TRAPPC8: variants seen among roughly 807,000 people sequenced by gnomAD.
TRAPPC8 encodes trafficking protein particle complex subunit 8.
A neutral mutation model predicts 174.3 loss-of-function variants in TRAPPC8; 54 were observed. The ratio of observed to expected loss-of-function variants is 0.31; its 90% CI spans 0.25 to 0.39. The LOEUF is 0.39. Ranked by LOEUF, TRAPPC8 falls within the 10% of genes least tolerant of loss-of-function variation. The pLI is 1.00. For synonymous variants in TRAPPC8, 630 were observed against 579.9 expected (o/e 1.09, Z -1.24); for missense variants, 1,531 against 1,699.1 (o/e 0.90, Z 1.74).
At chr18:31,931,306 T>A in intron 2 of TRAPPC8, 23 bp downstream of exon 2, 1 of 1,474,334 alleles carries the variant, frequency 6.8e-7, no homozygotes, top group Non-Finnish European at 9.0e-7. Context: ...ACTCAAAAAA[T>A]AACAATAAAC....
intron 13 of TRAPPC8, 89 bp downstream of exon 13, chr18:31,874,390 TA>T (rs751675710): frequency 3.8e-6 from 5 of 1,330,934 alleles, no homozygotes; most frequent in Non-Finnish European, 5.2e-6. Flanking sequence ...TATATTCTAA[TA>T]AAACTATCGT....
intron 20 of TRAPPC8, among the ~76,000 whole-genome samples, chr18:31,856,743 G>A (rs1163924009): frequency 6.0e-5 from 9 of 150,566 alleles, no homozygotes; most frequent in African/African-American, 2.0e-4. Flanking sequence ...ATATACAGCC[G>A]CTCCCTAGAA....
At chr18:31,846,538 T>C (rs2033414226) in intron 26 of TRAPPC8, among the ~76,000 whole-genome samples, 178 bp downstream of exon 26, 1 of 151,998 alleles carries the variant, frequency 6.6e-6, no homozygotes, top group African/African-American at 2.4e-5. Context: ...ATTGTGCCAT[T>C]GCAAACCAGC....
chr18:31,935,434 C>G lies in TRAPPC8; in HGVS notation c.158-3911G>C, dbSNP rs577791969. Among the ~76,000 whole-genome samples the G allele has an allele frequency of 2.7e-5, 4 of 148,684 alleles. No homozygotes were observed. The East Asian group carries it at 7.9e-4, about 29-fold the overall frequency. On this transcript the variant is annotated intron_variant, in intron 1 of 28. Transcript: ENST00000283351. ...GAGCCGCTGCACCCAGTGGCTCAAG[C>G]CAGCTACTCGGCAGGCTGAGGCAGA...
intron 4 of TRAPPC8, among the ~76,000 whole-genome samples, chr18:31,916,056 CA>C (rs34732342): frequency 0.35 from 30,655 of 88,036 alleles, 2,758 homozygotes; most frequent in Middle Eastern, 0.44. Context: ...GACCTCGTCT[CA>C]AAAAAAAAAA....
At chr18:31,865,471 T>C (rs2034541458) in intron 18 of TRAPPC8, among the ~76,000 whole-genome samples, 1 of 152,036 alleles carries the variant, frequency 6.6e-6, no homozygotes. Context: ...AATGTATTGA[T>C]TCCCACACTT....
intron 19 of TRAPPC8, 122 bp downstream of exon 19, chr18:31,864,505 A>T: frequency 2.2e-6 from 2 of 900,648 alleles, no homozygotes; most frequent in Non-Finnish European, 3.2e-6. Context: ...ACACTAGCTT[A>T]ATAATAATTT....
chr18:31,883,716 A>T (rs1331101988), intron 12 of TRAPPC8: 1 of 152,234 alleles, frequency 6.6e-6, no homozygotes, highest in African/African-American at 2.4e-5. Flanking sequence ...AATAACAGGT[A>T]TCTCAAATAG....
intron 11 of TRAPPC8, among the ~76,000 whole-genome samples, chr18:31,895,507 A>C (rs959883656): frequency 4.6e-5 from 7 of 152,234 alleles, no homozygotes; most frequent in African/African-American, 1.4e-4. Context: ...TTTGAGAAAG[A>C]AAAGTGGAAA....
Position 31,855,752 on chromosome 18 carries a change from G to A in TRAPPC8, c.3244C>T (p.Arg1082Trp), listed in dbSNP as rs747007333. Residue 1082 changes from arginine to tryptophan, a missense_variant, in exon 21 of 29, where the codon CGG (arginine) becomes TGG (tryptophan). Arg to Trp is a moderately radical substitution (Grantham distance 101, BLOSUM62 -3). Transcript: ENST00000283351. ...IICTSRSLNV[R>W]ATVCRSNSLE... ...GAATTACTTCTGCAGACAGTGGCCC[G>A]TACATTTAAAGACCGACTGGTACAA... 3.1e-6 allele frequency: 5 copies of A among 1,608,394 alleles called. No homozygotes were observed. Among genetic ancestry groups the A allele is most frequent in the Non-Finnish European group, 4.2e-6 (5 of 1,178,954 alleles).
chr18:31,940,011 G>A (rs554138625), intron 1 of TRAPPC8, among the ~76,000 whole-genome samples: 6 of 152,314 alleles, frequency 3.9e-5, no homozygotes, highest in African/African-American at 1.2e-4. Flanking sequence ...TGGCTACTGA[G>A]TACTTGAAAT....
At chr18:31,835,357 A>C (rs1291650485) in intron 27 of TRAPPC8, among the ~76,000 whole-genome samples, 2 of 152,184 alleles carry the variant, frequency 1.3e-5, no homozygotes, top group Admixed American at 1.3e-4. Flanking sequence ...GTGTCAGGGA[A>C]GTTTGTTTTC....
chr18:31,907,651 C>G, intron 8 of TRAPPC8, 41 bp from the exon 9 acceptor site: 1 of 1,479,752 alleles, frequency 6.8e-7, no homozygotes, highest in South Asian at 1.4e-5. Context: ...TTATTACCCC[C>G]CAAACCATTA....
At chr18:31,868,476 TA>T (rs1481469347) in intron 16 of TRAPPC8, among the ~76,000 whole-genome samples, 1 of 152,178 alleles carries the variant, frequency 6.6e-6, no homozygotes, top group Non-Finnish European at 1.5e-5. Flanking sequence ...AAAAAGCTAA[TA>T]AATCTTTTTA....
chr18:31,836,590 AG>A (rs1348853977), intron 27 of TRAPPC8, among the ~76,000 whole-genome samples: 1 of 152,168 alleles, frequency 6.6e-6, no homozygotes, highest in East Asian at 1.9e-4. Flanking sequence ...AATTGTTCAT[AG>A]AAGTGTGTGA....
intron 27 of TRAPPC8, among the ~76,000 whole-genome samples, chr18:31,833,123 AAGGGCAACAAAGAC>A (rs1246273025): frequency 1.3e-5 from 2 of 152,214 alleles, no homozygotes. Flanking sequence ...ATGTGGCAAG[AAGGGCAACAAAGAC>A]TACTGGGTAG....
intron 13 of TRAPPC8, 53 bp downstream of exon 13, chr18:31,874,427 T>C: frequency 1.3e-6 from 2 of 1,492,964 alleles, no homozygotes; most frequent in Non-Finnish European, 1.9e-6. Context: ...ATAAATACTT[T>C]CACACTAAAA....
At chr18:31,867,273 T>C (rs2034631853) in intron 17 of TRAPPC8, 129 bp downstream of exon 17, 3 of 760,740 alleles carry the variant, frequency 3.9e-6, no homozygotes, top group Non-Finnish European at 6.5e-6. Context: ...AATTCCTATG[T>C]CCTAATCTTC....
intron 16 of TRAPPC8, 124 bp from the exon 17 acceptor site, chr18:31,867,600 C>CGA: frequency 5.8e-6 from 4 of 694,586 alleles, no homozygotes; most frequent in Admixed American, 2.8e-5. Context: ...TGGTTTTTAC[C>CGA]ACATGCTGAG....
Sources: allele counts gnomAD v4.1 joint callset (sites outside exome capture counted in the v4.1 genomes callset), GRCh38; gene constraint gnomAD v4.1.1; transcripts MANE v1.5; gene names NCBI Gene and HGNC (gene_info 2026-07-23, HGNC 2026-07-21).